PARN: variants seen among roughly 807,000 people sequenced by gnomAD.
PARN encodes the protein poly(A)-specific ribonuclease PARN.
In PARN, 71 loss-of-function variants were observed where a neutral mutation model predicts 102.8. That is an observed-to-expected ratio of 0.69 (90% CI 0.57 to 0.84). The LOEUF is 0.84. Among genes scored for constraint, PARN ranks in the 40% least tolerant of loss-of-function variants. The pLI is 0.00. For synonymous variants in PARN, 261 were observed against 252.9 expected (o/e 1.03, Z -0.30); for missense variants, 782 against 760.9 (o/e 1.03, Z -0.33).
At chr16:14,510,440 A>G (rs971711266) in intron 21 of PARN, among the ~76,000 whole-genome samples, 4 of 152,206 alleles carry the variant, frequency 2.6e-5, no homozygotes, top group African/African-American at 9.7e-5. Flanking sequence ...GGGAAGCTAT[A>G]AACTTAGGAA....
intron 22 of PARN, among the ~76,000 whole-genome samples, chr16:14,462,215 A>G (rs1168673487): frequency 6.6e-6 from 1 of 152,208 alleles, no homozygotes; most frequent in Non-Finnish European, 1.5e-5. Context: ...ATTCTTTCAA[A>G]GGAATATTGT....
At chr16:14,535,546 T>C (rs915606604) in intron 21 of PARN, among the ~76,000 whole-genome samples, 9 of 152,228 alleles carry the variant, frequency 5.9e-5, no homozygotes, top group Admixed American at 2.0e-4. Context: ...ACTAATGCTA[T>C]ACATTTCATG....
intron 21 of PARN, among the ~76,000 whole-genome samples, chr16:14,542,696 T>C (rs1966849091): frequency 6.6e-6 from 1 of 151,990 alleles, no homozygotes; most frequent in Admixed American, 6.6e-5. Flanking sequence ...GCAATAAAAA[T>C]TCACTGGATG....
At chr16:14,508,981 A>G (rs1354895428) in intron 21 of PARN, among the ~76,000 whole-genome samples, 1 of 151,566 alleles carries the variant, frequency 6.6e-6, no homozygotes, top group African/African-American at 2.4e-5. Flanking sequence ...AGGTAAAAAA[A>G]TTTTTTAAAA....
intron 23 of PARN, among the ~76,000 whole-genome samples, chr16:14,440,679 T>C (rs928863566): frequency 6.6e-6 from 1 of 151,924 alleles, no homozygotes; most frequent in African/African-American, 2.4e-5. Context: ...TAAAACGGAG[T>C]GTACTGAGGA....
chr16:14,446,139 T>A (rs1961188456), intron 23 of PARN, among the ~76,000 whole-genome samples: 1 of 152,240 alleles, frequency 6.6e-6, no homozygotes, highest in Admixed American at 6.5e-5. Flanking sequence ...ACTGACAAGA[T>A]GCCCTTCTGG....
intron 22 of PARN, among the ~76,000 whole-genome samples, chr16:14,453,547 A>G (rs987838257): frequency 1.5e-4 from 23 of 152,198 alleles, no homozygotes; most frequent in African/African-American, 5.1e-4. Flanking sequence ...ACTACAATTG[A>G]GATATAGAAC....
chr16:14,474,280 C>T (rs1962918521), intron 22 of PARN, among the ~76,000 whole-genome samples: 1 of 152,186 alleles, frequency 6.6e-6, no homozygotes, highest in Admixed American at 6.5e-5. Flanking sequence ...GCTGGGGTTA[C>T]AGGCATGCGC....
chr16:14,623,119 A>G (rs1468422368), intron 5 of PARN, among the ~76,000 whole-genome samples: 7 of 151,888 alleles, frequency 4.6e-5, no homozygotes, highest in Non-Finnish European at 1.0e-4. Flanking sequence ...AAAAAAGCTA[A>G]TATGTATGTG....
intron 16 of PARN, 94 bp from the exon 17 acceptor site, chr16:14,582,385 T>A (rs921533272): frequency 4.6e-5 from 36 of 790,424 alleles, no homozygotes; most frequent in Non-Finnish European, 8.0e-5. Context: ...GCTAGAGAAA[T>A]ACCCTAAATA....
intron 18 of PARN, among the ~76,000 whole-genome samples, chr16:14,558,657 C>T (rs1967859370): frequency 6.6e-6 from 1 of 152,022 alleles, no homozygotes; most frequent in South Asian, 2.1e-4. Flanking sequence ...AATTATAGTT[C>T]AAAATTTCAA....
intron 12 of PARN, among the ~76,000 whole-genome samples, chr16:14,593,771 T>C (rs1970342516): frequency 1.3e-5 from 2 of 151,750 alleles, no homozygotes; most frequent in Non-Finnish European, 2.9e-5. Flanking sequence ...TCAAGGCGGG[T>C]GGATCACCTG....
chr16:14,465,958 T>C (rs1194229011), intron 22 of PARN, among the ~76,000 whole-genome samples: 1 of 152,088 alleles, frequency 6.6e-6, no homozygotes, highest in Non-Finnish European at 1.5e-5. Context: ...TCCTCCAAAA[T>C]GGACACAAAG....
intron 18 of PARN, among the ~76,000 whole-genome samples, chr16:14,564,200 C>A (rs1001926263): frequency 3.3e-5 from 5 of 152,178 alleles, no homozygotes; most frequent in Admixed American, 3.3e-4. Flanking sequence ...GGGTTTTCAT[C>A]CTAAACCACT....
intron 18 of PARN, among the ~76,000 whole-genome samples, chr16:14,567,849 A>C (rs1342018954): frequency 6.6e-6 from 1 of 152,262 alleles, no homozygotes; most frequent in Non-Finnish European, 1.5e-5. Context: ...CAAATAACAC[A>C]CAGGGTAGGT....
At chr16:14,525,252 T>C (rs906282795) in intron 21 of PARN, among the ~76,000 whole-genome samples, 1 of 152,128 alleles carries the variant, frequency 6.6e-6, no homozygotes, top group African/African-American at 2.4e-5. Context: ...ATGAAACAGA[T>C]GACTCCCTCC....
intron 13 of PARN, among the ~76,000 whole-genome samples, chr16:14,589,672 C>T (rs940371551): frequency 6.6e-6 from 1 of 152,072 alleles, no homozygotes. Context: ...TCGAGACCGG[C>T]CTGGCCAACA....
chr16:14,451,842 CTAAAAAAAAAAAAAAAAAAAA>C (rs1961460357), intron 22 of PARN, among the ~76,000 whole-genome samples: 1 of 46,258 alleles, frequency 2.2e-5, no homozygotes, highest in African/African-American at 8.1e-5. Flanking sequence ...AACCCCGTCT[CTAAAAAAAAAAAAAAAAAAAA>C]AAATACAAAA....
At chr16:14,538,835 C>G (rs1966727760) in intron 21 of PARN, among the ~76,000 whole-genome samples, 1 of 152,144 alleles carries the variant, frequency 6.6e-6, no homozygotes, top group Non-Finnish European at 1.5e-5. Context: ...GCATTACCAC[C>G]TAAGCTCCAC....
Sources: allele counts gnomAD v4.1 joint callset (sites outside exome capture counted in the v4.1 genomes callset), GRCh38; gene constraint gnomAD v4.1.1; transcripts MANE v1.5; gene names NCBI Gene and HGNC (gene_info 2026-07-23, HGNC 2026-07-21).